PIGN: variants seen among roughly 807,000 people sequenced by gnomAD.
PIGN encodes GPI ethanolamine phosphate transferase 1.
In PIGN, 117 loss-of-function variants were observed where a neutral mutation model predicts 125.4. The ratio of observed to expected loss-of-function variants is 0.93; its 90% CI spans 0.80 to 1.09. The LOEUF (loss-of-function observed/expected upper bound fraction) is 1.09, where lower values mean the gene tolerates loss of function less well. PIGN is among the 50% of genes least tolerant of loss of function. The pLI, the probability that PIGN is intolerant of heterozygous loss-of-function variation, is 0.00. For missense variants in PIGN, 1,075 were observed against 1,094.9 expected (o/e 0.98, Z 0.26); for synonymous variants, 392 against 377.8 (o/e 1.04, Z -0.44).
chr18:62,028,564 C>T (rs1048859124), intron 23 of PIGN, among the ~76,000 whole-genome samples: 1 of 152,196 alleles, frequency 6.6e-6, no homozygotes, highest in Non-Finnish European at 1.5e-5. Context: ...GTTTCTACTC[C>T]TTCTTGTCTC....
At chr18:62,139,634 G>A (rs2036065050) in intron 12 of PIGN, among the ~76,000 whole-genome samples, 1 of 152,162 alleles carries the variant, frequency 6.6e-6, no homozygotes, top group Non-Finnish European at 1.5e-5. Context: ...AGTATCCAGG[G>A]CCCATTCTTA....
intron 1 of PIGN, among the ~76,000 whole-genome samples, chr18:62,170,344 C>T (rs1316464301): frequency 1.3e-5 from 2 of 148,634 alleles, no homozygotes; most frequent in Non-Finnish European, 3.0e-5. Flanking sequence ...TATATTGGTG[C>T]TATTTTTCCA....
At chr18:62,068,673 A>G (rs1378326101) in intron 30 of PIGN, among the ~76,000 whole-genome samples, 1 of 152,100 alleles carries the variant, frequency 6.6e-6, no homozygotes, top group African/African-American at 2.4e-5. Flanking sequence ...CTGAGACTGC[A>G]TGACCTCTCT....
intron 29 of PIGN, among the ~76,000 whole-genome samples, chr18:62,074,378 G>T (rs917149093): frequency 1.3e-5 from 2 of 152,124 alleles, no homozygotes; most frequent in African/African-American, 2.4e-5. Flanking sequence ...CAACAGAAAA[G>T]CTGTATTTCC....
Position 62,146,020 on chromosome 18 carries a change from G to A in PIGN, c.811C>T (p.His271Tyr). Residue 271 changes from histidine to tyrosine, a missense_variant, in exon 10 of 31, where the codon CAT (histidine) becomes TAT (tyrosine). Around this residue, in one of 3 missense-constraint regions of PIGN, gnomAD observed 915 missense variants for 908.7 expected, o/e 1.01. Coordinates refer to ENST00000640252, the MANE Select transcript of PIGN (RefSeq NM_176787.5). ...SDHGMTDWGS[H>Y]GAGHPSETLT... ...GTCTCTGAAGGATGACCAGCCCCAT[G>A]GGAACCTACAAATAAGATATAAAGA... The A allele has an allele frequency of 6.7e-7, 1 of 1,484,326 alleles. No homozygotes were observed. Among genetic ancestry groups the A allele is most frequent in the Admixed American group, 1.9e-5 (1 of 51,770 alleles). 91.9% of individuals were successfully genotyped at this position (1,484,326 alleles called of 1,614,324 possible).
intron 3 of PIGN, among the ~76,000 whole-genome samples, chr18:62,161,897 TTTC>T (rs1415416335): frequency 6.6e-6 from 1 of 152,218 alleles, no homozygotes; most frequent in Non-Finnish European, 1.5e-5. Context: ...TGATTTTTTT[TTTC>T]TTCTTACTTT....
At chr18:62,134,001 C>A (rs1002964701) in intron 14 of PIGN, among the ~76,000 whole-genome samples, 1 of 152,076 alleles carries the variant, frequency 6.6e-6, no homozygotes, top group African/African-American at 2.4e-5. Flanking sequence ...ACTGGGGGTA[C>A]TTTTTGTTGA....
At chr18:62,087,234 A>G in intron 25 of PIGN, among the ~76,000 whole-genome samples, 1 of 152,214 alleles carries the variant, frequency 6.6e-6, no homozygotes, top group East Asian at 1.9e-4. Context: ...GAAGAAGAAT[A>G]GAAGTGATAT....
chr18:62,132,305 AC>A (rs2035770271), intron 14 of PIGN, among the ~76,000 whole-genome samples: 1 of 152,220 alleles, frequency 6.6e-6, no homozygotes, highest in East Asian at 1.9e-4. Flanking sequence ...TTCTGATAAC[AC>A]CAAACATTAA....
At chr18:62,064,412 C>T (rs1307091700) in intron 30 of PIGN, among the ~76,000 whole-genome samples, 1 of 152,218 alleles carries the variant, frequency 6.6e-6, no homozygotes, top group Non-Finnish European at 1.5e-5. Context: ...AGTCTTAAGG[C>T]TGGCAGTCCA....
chr18:62,155,452 C>G (rs1472430407), intron 6 of PIGN, among the ~76,000 whole-genome samples: 1 of 151,934 alleles, frequency 6.6e-6, no homozygotes, highest in African/African-American at 2.4e-5. Flanking sequence ...GCTTGTAATC[C>G]CAGCTACTCA....
chr18:62,111,092 T>C (rs1599546579), intron 16 of PIGN, among the ~76,000 whole-genome samples: 1 of 151,966 alleles, frequency 6.6e-6, no homozygotes, highest in South Asian at 2.1e-4. Flanking sequence ...GAAGGAAGCA[T>C]GGCATAGAAA....
chr18:62,111,873 G>A (rs549555565), intron 16 of PIGN, among the ~76,000 whole-genome samples: 3 of 150,240 alleles, frequency 2.0e-5, no homozygotes, highest in South Asian at 2.1e-4. Flanking sequence ...AATATTGGCT[G>A]TATTATCAGA....
chr18:62,144,863 G>A (rs2036261749), intron 10 of PIGN, among the ~76,000 whole-genome samples: 1 of 152,156 alleles, frequency 6.6e-6, no homozygotes, highest in Non-Finnish European at 1.5e-5. Context: ...CGACTTGGGA[G>A]GCTGGGGCAG....
intron 23 of PIGN, among the ~76,000 whole-genome samples, chr18:62,093,810 A>G (rs1380026677): frequency 2.6e-5 from 4 of 152,126 alleles, no homozygotes; most frequent in Admixed American, 1.3e-4. Context: ...GTCATCCAAA[A>G]TGGTGAGGCT....
intron 30 of PIGN, among the ~76,000 whole-genome samples, chr18:62,054,903 GT>G (rs919395343): frequency 1.3e-5 from 2 of 152,026 alleles, no homozygotes; most frequent in African/African-American, 4.8e-5. Flanking sequence ...ATGAACAGAC[GT>G]TTCATCAAAG....
chr18:62,018,716 C>G (rs2030012595), intron 23 of PIGN, among the ~76,000 whole-genome samples: 1 of 152,120 alleles, frequency 6.6e-6, no homozygotes, highest in Admixed American at 6.5e-5. Flanking sequence ...CCAAGGCCTC[C>G]CAGACTGTGG....
intron 10 of PIGN, among the ~76,000 whole-genome samples, chr18:62,144,138 G>A (rs1335773812): frequency 6.6e-6 from 1 of 152,070 alleles, no homozygotes; most frequent in Non-Finnish European, 1.5e-5. Context: ...ATATTCATAT[G>A]AGAAAAAATA....
chr18:62,175,291 A>C (rs1376462090), intron 1 of PIGN, among the ~76,000 whole-genome samples: 1 of 151,682 alleles, frequency 6.6e-6, no homozygotes, highest in Non-Finnish European at 1.5e-5. Context: ...TTCTCCCTTC[A>C]TCTAAAGTAA....
Sources: allele counts gnomAD v4.1 joint callset (sites outside exome capture counted in the v4.1 genomes callset), GRCh38; gene constraint gnomAD v4.1.1; regional missense constraint gnomAD v4.1.1; transcripts MANE v1.5; gene names NCBI Gene and HGNC (gene_info 2026-07-23, HGNC 2026-07-21).